Variants in SPAG17 observed in about 807,000 individuals in gnomAD.
SPAG17 encodes sperm-associated antigen 17.
A neutral mutation model predicts 273.6 loss-of-function variants in SPAG17; 169 were observed. The ratio of observed to expected loss-of-function variants is 0.62; its 90% CI spans 0.55 to 0.70. The LOEUF (loss-of-function observed/expected upper bound fraction) is 0.70. Among genes scored for constraint, SPAG17 ranks in the 30% least tolerant of loss-of-function variants. The probability of loss-of-function intolerance (pLI) is 0.00; values close to 1 mark genes in which losing one functional copy is unlikely to be tolerated. For synonymous variants in SPAG17, 825 were observed against 873.2 expected (o/e 0.94, Z 0.97); for missense variants, 2,557 against 2,627.8 (o/e 0.97, Z 0.59).
intron 38 of SPAG17, among the ~76,000 whole-genome samples, chr1:117,989,242 AAAGAG>A (rs1454588424): frequency 1.3e-5 from 2 of 152,160 alleles, no homozygotes; most frequent in African/African-American, 4.8e-5. Context: ...TTCATAAAGA[AAAGAG>A]GTTTCTTTGG....
chr1:117,972,795 C>T (rs1006716242), intron 44 of SPAG17, among the ~76,000 whole-genome samples: 1 of 151,838 alleles, frequency 6.6e-6, no homozygotes, highest in East Asian at 1.9e-4. Context: ...AGATAATTAT[C>T]AAAACTGGTG....
chr1:118,074,585 T>C lies in SPAG17; in HGVS notation c.2225A>G (p.Asn742Ser). Residue 742 changes from asparagine to serine, a missense_variant, in exon 16 of 49, where the codon AAT becomes AGT. Asn to Ser is a conservative substitution (Grantham distance 46). Coordinates refer to ENST00000336338, the MANE Select transcript of SPAG17 (RefSeq NM_206996.4). The part of the protein sequence containing the change: ...QHESLEQTTN[N>S]EIKDDAVTKA... Reference sequence around the variant, plus strand: ...TGTGACTGCATCATCTTTGATCTCATTGTTTGTGGTCTGCTCTGCAAATCA... The same window carrying C: ...TGTGACTGCATCATCTTTGATCTCACTGTTTGTGGTCTGCTCTGCAAATCA... 2.5e-6 allele frequency: 4 copies of C among 1,613,742 alleles called. No homozygotes were observed. The highest frequency in any genetic ancestry group is 3.4e-6 in the Non-Finnish European group (4 of 1,179,794).
chr1:118,018,346 C>T (rs726326), intron 28 of SPAG17, among the ~76,000 whole-genome samples: 9,612 of 152,134 alleles, frequency 0.063, 513 homozygotes, highest in East Asian at 0.31. Context: ...TGGTGCTGAG[C>T]AGAGAAAACA....
intron 3 of SPAG17, among the ~76,000 whole-genome samples, chr1:118,138,273 C>T (rs1047382821): frequency 2.6e-5 from 4 of 151,372 alleles, no homozygotes; most frequent in Admixed American, 1.3e-4. Context: ...ATTGACTATG[C>T]GCTCTTGAGG....
chr1:118,138,852 G>A (rs1386132596), intron 3 of SPAG17, among the ~76,000 whole-genome samples: 2 of 152,018 alleles, frequency 1.3e-5, no homozygotes, highest in African/African-American at 2.4e-5. Context: ...AGGCACATAA[G>A]GATACAAAAA....
Position 117,966,652 on chromosome 1 carries a change from C to G in SPAG17, c.6489G>C (p.Glu2163Asp), listed in dbSNP as rs1378668044. Residue 2163 changes from glutamate to aspartate, a missense_variant, in exon 47 of 49, where the codon GAG (glutamate) becomes GAC (aspartate). Transcript: ENST00000336338. ...ACAGAACCTCATGCTCTGTCATAATCTCGATATTGTGAGAGATGTGTGCTG... is the reference window on the plus strand; with the variant it reads ...ACAGAACCTCATGCTCTGTCATAATGTCGATATTGTGAGAGATGTGTGCTG... ...KGSAHISHNI[E>D]IMTEHEVLFL... The G allele has an allele frequency of 3.1e-6, 5 of 1,613,788 alleles. 1 individual carries two copies. In the Admixed American group the frequency reaches 6.7e-5, roughly 22 times the overall value.
intron 41 of SPAG17, 94 bp from the exon 42 acceptor site, chr1:117,984,007 T>C: frequency 1.7e-6 from 1 of 578,400 alleles, no homozygotes; most frequent in South Asian, 2.7e-5. Context: ...TGAAAACATA[T>C]TTTTAATGCC....
chr1:118,069,633 T>A (rs116063172), intron 17 of SPAG17, among the ~76,000 whole-genome samples: 12 of 152,124 alleles, frequency 7.9e-5, no homozygotes, highest in Admixed American at 2.0e-4. Context: ...GAGTAAGGTA[T>A]AATAATGTGA....
chr1:118,156,722 A>G (rs1311371931), intron 1 of SPAG17, among the ~76,000 whole-genome samples: 2 of 152,030 alleles, frequency 1.3e-5, no homozygotes, highest in Admixed American at 6.5e-5. Context: ...CCCGTCTCCT[A>G]TTAGAAGGCA....
chr1:118,110,241 T>C (rs905123087), intron 4 of SPAG17, among the ~76,000 whole-genome samples: 3 of 152,096 alleles, frequency 2.0e-5, no homozygotes, highest in African/African-American at 7.2e-5. Context: ...ACAAAACCAG[T>C]AATAATGATA....
chr1:118,017,826 T>A (rs554673543), intron 28 of SPAG17, among the ~76,000 whole-genome samples: 2 of 152,238 alleles, frequency 1.3e-5, no homozygotes, highest in African/African-American at 4.8e-5. Context: ...TAATCATCTA[T>A]TTTCTTCCAT....
At position 118,134,794 on chromosome 1, in the gene SPAG17, T is replaced by C. The variant is rs1049613054; in HGVS notation, c.315+15749A>G. Among the ~76,000 whole-genome samples, 4 of 152,214 alleles carry C rather than the reference T, an allele frequency of 2.6e-5. No homozygotes were observed. In the East Asian group the frequency reaches 5.8e-4, roughly 22 times the overall value. The stretch of plus-strand genomic sequence containing the variant: ...ATCAGAGATACCATCTAGAGTTCCT[T>C]GGTCATACCTTGCTGTCTGTCTGCC... On this transcript the variant is annotated intron_variant, in intron 3 of 48. Transcript: ENST00000336338.
In SPAG17 at chr1:117,963,905, G is replaced by C; in HGVS notation, c.6566C>G (p.Pro2189Arg). Residue 2189 changes from proline to arginine, a missense_variant, in exon 48 of 49, where the codon CCA (proline) becomes CGA (arginine). Pro to Arg is a moderately radical substitution (Grantham distance 103). Transcript: ENST00000336338. ...TTCTTTTCCCTGGGGAAAGTCTTTT[G>C]GTCGTTTATCATAATTGCTGCTTGT... The part of the protein sequence containing the change: ...VLTSSNYDKR[P>R]KDFPQGKENP... 6.2e-7 allele frequency: 1 copy of C among 1,613,826 alleles called. No homozygotes were observed. Among genetic ancestry groups the C allele is most frequent in the South Asian group, 1.1e-5 (1 of 91,040 alleles).
intron 2 of SPAG17, 145 bp downstream of exon 2, chr1:118,151,084 T>A (rs1659351861): frequency 1.5e-6 from 1 of 645,306 alleles, no homozygotes; most frequent in Non-Finnish European, 2.3e-6. Flanking sequence ...ACAACTCAAA[T>A]TTATTCTGGC....
intron 28 of SPAG17, among the ~76,000 whole-genome samples, 180 bp from the exon 29 acceptor site, chr1:118,016,362 G>A (rs191170086): frequency 2.7e-4 from 41 of 152,230 alleles, no homozygotes; most frequent in Middle Eastern, 3.4e-3. Flanking sequence ...TATGAATAGC[G>A]TAATTTTAGC....
chr1:118,009,798 T>A (rs2101763893), intron 30 of SPAG17, among the ~76,000 whole-genome samples: 1 of 152,156 alleles, frequency 6.6e-6, no homozygotes, highest in African/African-American at 2.4e-5. Context: ...TGCAGCATTA[T>A]TCACAAAAAC....
intron 1 of SPAG17, among the ~76,000 whole-genome samples, chr1:118,161,218 G>A (rs1659894909): frequency 6.6e-6 from 1 of 152,162 alleles, no homozygotes; most frequent in South Asian, 2.1e-4. Flanking sequence ...GCCCTGACTG[G>A]GTTTTACTGA....
At chr1:118,091,415 T>G (rs1392447233) in intron 10 of SPAG17, among the ~76,000 whole-genome samples, 191 bp downstream of exon 10, 1 of 152,200 alleles carries the variant, frequency 6.6e-6, no homozygotes, top group Admixed American at 6.5e-5. Flanking sequence ...CTTCAGAGCA[T>G]AGCAAAAGAA....
intron 1 of SPAG17, among the ~76,000 whole-genome samples, chr1:118,177,463 A>T (rs1320325863): frequency 6.6e-6 from 1 of 152,180 alleles, no homozygotes; most frequent in East Asian, 1.9e-4. Context: ...TTACAATTCA[A>T]GGTGAGATTT....
Sources: allele counts gnomAD v4.1 joint callset (sites outside exome capture counted in the v4.1 genomes callset), GRCh38; gene constraint gnomAD v4.1.1; transcripts MANE v1.5; gene names NCBI Gene and HGNC (gene_info 2026-07-23, HGNC 2026-07-21).